Variants in VWA8 observed in about 807,000 individuals in gnomAD.
VWA8 encodes the protein von Willebrand factor A domain-containing protein 8.
A neutral mutation model predicts 241.5 loss-of-function variants in VWA8; 221 were observed. The observed-to-expected ratio is 0.91, with a 90% CI of 0.82 to 1.02. VWA8 has a LOEUF of 1.02. VWA8 is among the 50% of genes least tolerant of loss of function. The pLI, the probability that VWA8 is intolerant of heterozygous loss-of-function variation, is 0.00. For synonymous variants in VWA8, 852 were observed against 827.1 expected, an observed-to-expected ratio of 1.03 and a Z score of -0.52; for missense variants, 2,322 against 2,328.7, an observed-to-expected ratio of 1.00 and a Z score of 0.06.
chr13:41,645,706 G>T (rs747318603), intron 37 of VWA8, among the ~76,000 whole-genome samples: 5 of 152,146 alleles, frequency 3.3e-5, no homozygotes, highest in Non-Finnish European at 7.4e-5. Context: ...AAAAAAACGA[G>T]AATAAATGTG....
intron 21 of VWA8, among the ~76,000 whole-genome samples, chr13:41,750,612 T>C (rs1161295562): frequency 6.6e-6 from 1 of 152,152 alleles, no homozygotes; most frequent in Non-Finnish European, 1.5e-5. Context: ...TTCAAGACTT[T>C]AGTATAAGAG....
chr13:41,719,812 G>C, intron 25 of VWA8, 70 bp from the exon 26 acceptor site: 1 of 1,409,856 alleles, frequency 7.1e-7, no homozygotes, highest in Non-Finnish European at 9.6e-7. Flanking sequence ...TTTATGAAAT[G>C]GATAGGACAA....
intron 43 of VWA8, among the ~76,000 whole-genome samples, chr13:41,571,855 G>GA (rs1404515257): frequency 6.6e-6 from 1 of 151,932 alleles, no homozygotes; most frequent in Non-Finnish European, 1.5e-5. Context: ...CCCAGTCTGG[G>GA]AAGTGAGGGG....
intron 40 of VWA8, among the ~76,000 whole-genome samples, chr13:41,594,759 A>T (rs992002075): frequency 1.3e-5 from 2 of 152,242 alleles, no homozygotes; most frequent in African/African-American, 4.8e-5. Context: ...TATCTTAAAC[A>T]ATTCAAAAAC....
At chr13:41,874,277 G>A (rs1441484391) in intron 9 of VWA8, among the ~76,000 whole-genome samples, 8 of 149,140 alleles carry the variant, frequency 5.4e-5, no homozygotes, top group South Asian at 4.3e-4. Flanking sequence ...ACTGGCACAA[G>A]ACAGGGATGC....
At chr13:41,654,580 GAATCT>G (rs2044889847) in intron 37 of VWA8, among the ~76,000 whole-genome samples, 1 of 152,218 alleles carries the variant, frequency 6.6e-6, no homozygotes, top group Non-Finnish European at 1.5e-5. Flanking sequence ...GCTCCTGTGA[GAATCT>G]ACTGCTGCTG....
chr13:41,662,191 G>C (rs963360944), intron 37 of VWA8, among the ~76,000 whole-genome samples: 1 of 152,136 alleles, frequency 6.6e-6, no homozygotes, highest in African/African-American at 2.4e-5. Flanking sequence ...TGCAGAGATT[G>C]AATTGGAATT....
intron 20 of VWA8, among the ~76,000 whole-genome samples, chr13:41,771,886 CTTTTTTTTT>C (rs10639837): frequency 1.0e-5 from 1 of 100,266 alleles, no homozygotes; most frequent in Non-Finnish European, 2.0e-5. Context: ...CCAGCAGGGA[CTTTTTTTTT>C]TTTTTTTTTT....
chr13:41,728,818 C>T (rs1173873201), intron 23 of VWA8, among the ~76,000 whole-genome samples: 1 of 152,006 alleles, frequency 6.6e-6, no homozygotes, highest in Non-Finnish European at 1.5e-5. Flanking sequence ...TCCTTACATA[C>T]TCTCTTTGAA....
intron 24 of VWA8, among the ~76,000 whole-genome samples, chr13:41,724,834 A>G (rs2045419817): frequency 1.3e-5 from 2 of 152,174 alleles, no homozygotes; most frequent in African/African-American, 4.8e-5. Context: ...ATAATTTTAA[A>G]ACAAAAAGAA....
intron 19 of VWA8, among the ~76,000 whole-genome samples, chr13:41,778,841 T>C: frequency 7.3e-6 from 1 of 136,972 alleles, no homozygotes; most frequent in South Asian, 2.6e-4. Context: ...ACTTTTTTTT[T>C]TTTTTTTTTT....
chr13:41,918,068 C>T (rs1876341445), intron 2 of VWA8, among the ~76,000 whole-genome samples: 1 of 152,156 alleles, frequency 6.6e-6, no homozygotes, highest in African/African-American at 2.4e-5. Flanking sequence ...TTATTTACAA[C>T]ACGAACTAAC....
chr13:41,701,646 C>A (rs916036057), intron 27 of VWA8, 116 bp from the exon 28 acceptor site: 2 of 991,374 alleles, frequency 2.0e-6, no homozygotes, highest in Middle Eastern at 3.3e-4. Flanking sequence ...TCCTGCTATA[C>A]CTTTTTTCAA....
chr13:41,819,899 T>C (rs966132372), intron 14 of VWA8, among the ~76,000 whole-genome samples: 2 of 152,188 alleles, frequency 1.3e-5, no homozygotes, highest in East Asian at 1.9e-4. Flanking sequence ...AGATTGGGAA[T>C]AAGAACACTT....
chr13:41,763,117 C>G (rs1034964029), intron 20 of VWA8, among the ~76,000 whole-genome samples: 1 of 151,492 alleles, frequency 6.6e-6, no homozygotes. Flanking sequence ...AAACAAAAAA[C>G]AAACAAACAA....
intron 38 of VWA8, among the ~76,000 whole-genome samples, chr13:41,612,146 T>C (rs2044593229): frequency 6.6e-6 from 1 of 152,238 alleles, no homozygotes; most frequent in Non-Finnish European, 1.5e-5. Context: ...GCTAATTAAA[T>C]GAACAACTGT....
chr13:41,938,744 C>T (rs116615991), intron 2 of VWA8, among the ~76,000 whole-genome samples: 1,771 of 149,460 alleles, frequency 0.012, 37 homozygotes, highest in African/African-American at 0.042. Context: ...GGCAGATCTT[C>T]AGTAGTGGCA....
Position 41,865,748 on chromosome 13 carries a change from A to T in VWA8, c.1413T>A (p.Ile471=). 1 of 1,613,970 alleles carries T rather than the reference A, an allele frequency of 6.2e-7. No homozygotes were observed. The highest frequency in any genetic ancestry group is 8.5e-7 in the Non-Finnish European group (1 of 1,180,024). ...ATGAACACTGTACCTGATAGAGCAT[A>T]ATAGGTTCTATGTTGTATCCTAAGG... ...ADTLGYNIEP[I]MLYQDMTARD... The change falls in exon 12 of 45, where the codon ATT becomes ATA. Residue 471 remains isoleucine (I), a synonymous_variant. Transcript: ENST00000379310.
chr13:41,573,525 G>C (rs1426425001), intron 43 of VWA8, among the ~76,000 whole-genome samples: 1 of 125,238 alleles, frequency 8.0e-6, no homozygotes, highest in Non-Finnish European at 1.6e-5. Flanking sequence ...CTATATATAC[G>C]TGTATATATA....
Sources: gnomAD v4.1 joint callset for allele counts (sites outside exome capture counted in the v4.1 genomes callset) on GRCh38, gnomAD v4.1.1 for gene constraint, MANE v1.5 for transcripts, NCBI Gene and HGNC (gene_info 2026-07-23, HGNC 2026-07-21) for gene names.